ZNF93: variants seen among roughly 807,000 people sequenced by gnomAD.
The protein encoded by ZNF93 is zinc finger protein 93.
A neutral mutation model predicts 45.0 loss-of-function variants in ZNF93; 29 were observed. The observed-to-expected ratio is 0.64, with a 90% confidence interval of 0.48 to 0.88. The LOEUF (loss-of-function observed/expected upper bound fraction) is 0.88, where lower values mean the gene tolerates loss of function less well. Ranked by LOEUF, ZNF93 falls within the 40% of genes least tolerant of loss-of-function variation. ZNF93 has a pLI of 0.00. For synonymous variants in ZNF93, 223 were observed against 244.6 expected (o/e 0.91, Z 0.82); for missense variants, 578 against 724.0 (o/e 0.80, Z 2.31).
intron 1 of ZNF93, among the ~76,000 whole-genome samples, chr19:19,902,260 G>GT (rs113660443): frequency 0.075 from 11,064 of 148,502 alleles, 937 homozygotes; most frequent in African/African-American, 0.21. Flanking sequence ...AAAACAGAAG[G>GT]TTTTTTTTTT....
intron 3 of ZNF93, among the ~76,000 whole-genome samples, chr19:19,922,181 T>G (rs1052338137): frequency 2.0e-5 from 3 of 152,174 alleles, no homozygotes; most frequent in Non-Finnish European, 2.9e-5. Flanking sequence ...TGTAAAGGAT[T>G]TTATTTCTCC....
intron 1 of ZNF93, among the ~76,000 whole-genome samples, chr19:19,914,102 A>G (rs1273904770): frequency 6.6e-6 from 1 of 152,194 alleles, no homozygotes; most frequent in Non-Finnish European, 1.5e-5. Flanking sequence ...TATGATCCAC[A>G]TTATTAAAAA....
chr19:19,905,643 T>G (rs571378243), intron 1 of ZNF93, among the ~76,000 whole-genome samples: 1 of 152,262 alleles, frequency 6.6e-6, no homozygotes, highest in African/African-American at 2.4e-5. Flanking sequence ...CAGGCTAGAG[T>G]GCCATGGCAT....
chr19:19,920,831 CTCTTT>C (rs906966576), intron 3 of ZNF93, among the ~76,000 whole-genome samples: 1 of 152,090 alleles, frequency 6.6e-6, no homozygotes, highest in Admixed American at 6.6e-5. Flanking sequence ...TGATTCTTCT[CTCTTT>C]TCTTCATTAG....
At chr19:19,905,112 C>G (rs576107245) in intron 1 of ZNF93, among the ~76,000 whole-genome samples, 19 of 152,288 alleles carry the variant, frequency 1.2e-4, no homozygotes, top group African/African-American at 4.8e-5. Context: ...TGCATTCGCA[C>G]GGAAACAAAT....
At chr19:19,920,452 G>T (rs2063339922) in intron 3 of ZNF93, among the ~76,000 whole-genome samples, 1 of 152,174 alleles carries the variant, frequency 6.6e-6, no homozygotes. Context: ...TCAGGATGAT[G>T]CTGGCCTCAT....
intron 3 of ZNF93, among the ~76,000 whole-genome samples, chr19:19,925,249 A>C (rs2063353087): frequency 6.6e-6 from 1 of 152,106 alleles, no homozygotes; most frequent in Non-Finnish European, 1.5e-5. Context: ...AGCATTTCAC[A>C]ACTCCCTCCC....
At chr19:19,904,466 G>C (rs2063286501) in intron 1 of ZNF93, among the ~76,000 whole-genome samples, 1 of 152,130 alleles carries the variant, frequency 6.6e-6, no homozygotes, top group African/African-American at 2.4e-5. Flanking sequence ...GGAGTCCCCA[G>C]TTTTTAAACA....
In ZNF93 at chr19:19,933,206, A is replaced by G. The variant is rs2063379797; in HGVS notation, c.251A>G (p.Asp84Gly). The change falls in exon 4 of 4, where the codon GAT becomes GGT. Residue 84 changes from aspartate (D) to glycine (G), a missense_variant. This residue lies in a region of ZNF93 where 446 missense variants were observed against 547.6 expected (regional missense o/e 0.81). Transcript: ENST00000343769. ...GTTATATGTTCTCATTTTGCCCAAG[A>G]TCTTTGGCCAGAGCAGAACATAAAA... ...PSVICSHFAQDLWPEQNIKDS... is the reference protein window; with the variant it reads ...PSVICSHFAQGLWPEQNIKDS... 1 of 1,543,532 alleles carries G rather than the reference A, an allele frequency of 6.5e-7. No homozygotes were observed. Among genetic ancestry groups the G allele is most frequent in the Admixed American group, 2.0e-5 (1 of 49,182 alleles).
chr19:19,904,031 C>T (rs1026907471), intron 1 of ZNF93, among the ~76,000 whole-genome samples: 1 of 149,780 alleles, frequency 6.7e-6, no homozygotes, highest in African/African-American at 2.5e-5. Context: ...TGCACTCCAG[C>T]CTGGGCAACA....
intron 1 of ZNF93, chr19:19,908,541 T>C (rs541722722): frequency 6.6e-6 from 1 of 152,250 alleles, no homozygotes; most frequent in South Asian, 2.1e-4. Context: ...TTACCTTTTT[T>C]CTTTCAAAAT....
chr19:19,906,794 A>G (rs1454557369), intron 1 of ZNF93, among the ~76,000 whole-genome samples: 2 of 151,760 alleles, frequency 1.3e-5, no homozygotes, highest in East Asian at 3.9e-4. Flanking sequence ...AATTCTTCCC[A>G]CATTTCTCTT....
Position 19,900,958 on chromosome 19 carries a change from A to T in ZNF93, c.-131A>T, listed in dbSNP as rs534853963. 188 of 1,458,900 alleles carry T rather than the reference A, an allele frequency of 1.3e-4. No homozygotes were observed. In the South Asian group the frequency reaches 2.0e-3, roughly 16 times the overall value. The allele number at this position is 1,458,900 out of a possible 1,614,324, so 90.4% of individuals were successfully genotyped here. On this transcript the variant is annotated 5_prime_UTR_variant, in exon 1 of 4. Transcript: ENST00000343769. Reference sequence around the variant, plus strand: ...TGGCGGGTCCTTTGTCTCTCGGTGCAGCCGGAGCTCCAGGTCTCCTCTTCA... The same window carrying T: ...TGGCGGGTCCTTTGTCTCTCGGTGCTGCCGGAGCTCCAGGTCTCCTCTTCA...
At chr19:19,921,095 C>G (rs996518821) in intron 3 of ZNF93, among the ~76,000 whole-genome samples, 7 of 152,120 alleles carry the variant, frequency 4.6e-5, no homozygotes, top group African/African-American at 1.2e-4. Flanking sequence ...ATAAATTTCC[C>G]TCTACACACT....
chr19:19,931,052 C>T (rs2063372622), intron 3 of ZNF93, among the ~76,000 whole-genome samples: 1 of 151,426 alleles, frequency 6.6e-6, no homozygotes, highest in Non-Finnish European at 1.5e-5. Flanking sequence ...GCCTATTTGA[C>T]TTAATGCTAA....
intron 1 of ZNF93, among the ~76,000 whole-genome samples, chr19:19,912,442 CT>C (rs2063311444): frequency 6.6e-6 from 1 of 151,692 alleles, no homozygotes; most frequent in Non-Finnish European, 1.5e-5. Context: ...AGAGCTGGTG[CT>C]CACAATTTCC....
Position 19,935,122 on chromosome 19 carries a change from G to A in ZNF93, c.*304G>A. ...AGTTAACCTGAGGAAATGCTCTCTG[G>A]TACTCACTGAAAGCCACACTCATCC... On this transcript the variant is annotated 3_prime_UTR_variant, in exon 4 of 4. Transcript: ENST00000343769. 1 of 326,040 alleles carries A rather than the reference G, an allele frequency of 3.1e-6. No homozygotes were observed. The highest frequency in any genetic ancestry group is 5.6e-5 in the East Asian group (1 of 17,706). 20.2% of individuals were successfully genotyped at this position (326,040 alleles called of 1,614,324 possible).
intron 3 of ZNF93, among the ~76,000 whole-genome samples, chr19:19,919,643 T>C (rs2063336997): frequency 6.6e-6 from 1 of 152,352 alleles, no homozygotes; most frequent in African/African-American, 2.4e-5. Flanking sequence ...CAGTGGTTTG[T>C]AGTTCTCCTT....
chr19:19,931,149 TTA>T (rs898008538), intron 3 of ZNF93, among the ~76,000 whole-genome samples: 2 of 149,194 alleles, frequency 1.3e-5, no homozygotes, highest in Non-Finnish European at 3.0e-5. Context: ...ATAATTTTAT[TTA>T]TATATATATT....
Sources: allele counts gnomAD v4.1 joint callset (sites outside exome capture counted in the v4.1 genomes callset), GRCh38; gene constraint gnomAD v4.1.1; regional missense constraint gnomAD v4.1.1; transcripts MANE v1.5; gene names NCBI Gene and HGNC (gene_info 2026-07-23, HGNC 2026-07-21).